FAM131B: variants seen among roughly 807,000 people sequenced by gnomAD.
The protein encoded by FAM131B is protein FAM131B.
A neutral mutation model predicts 42.0 loss-of-function variants in FAM131B; 19 were observed. The ratio of observed to expected loss-of-function variants is 0.45; its 90% CI spans 0.32 to 0.66. The LOEUF is 0.66. FAM131B is among the 30% of genes least tolerant of loss of function. The pLI is 0.05. For synonymous variants in FAM131B, 183 were observed against 177.6 expected, an observed-to-expected ratio of 1.03 and a Z score of -0.24; for missense variants, 370 against 468.4, an observed-to-expected ratio of 0.79 and a Z score of 1.94.
In FAM131B at chr7:143,358,613, C is replaced by T. The variant is rs964880028; in HGVS notation, c.466+214G>A. Reference sequence around the variant, plus strand: ...TCTGGGATGGGTGGACCCACAAATCCCATCTAATTACACGCATTTTCTGAG... The same window carrying T: ...TCTGGGATGGGTGGACCCACAAATCTCATCTAATTACACGCATTTTCTGAG... On this transcript the variant is annotated intron_variant, in intron 5 of 6. Transcript: ENST00000443739. This position sits in a 1 kb window ranked among gnomAD's most constrained non-coding sequence, Gnocchi z 4.7. Among the ~76,000 whole-genome samples, 1 of 152,148 alleles carries T rather than the reference C, an allele frequency of 6.6e-6. No individual in the cohort carries two copies. Among genetic ancestry groups the T allele is most frequent in the African/African-American group, 2.4e-5 (1 of 41,430 alleles).
At chr7:143,363,099 G>C (rs923345211), upstream of FAM131B, among the ~76,000 whole-genome samples, 1 of 152,132 alleles carries the variant, frequency 6.6e-6, no homozygotes, top group Non-Finnish European at 1.5e-5. Context: ...GTGGGGTGGT[G>C]GTGAGAATAA....
the FAM131B span, among the ~76,000 whole-genome samples, chr7:143,371,139 T>A: frequency 6.6e-6 from 1 of 152,156 alleles, no homozygotes; most frequent in South Asian, 2.1e-4. Context: ...ACCTACTCTA[T>A]GTCAGTACCT....
chr7:143,358,682 C>G lies in FAM131B; in HGVS notation c.466+145G>C. 1 of 637,772 alleles carries G rather than the reference C, an allele frequency of 1.6e-6. No homozygotes were observed. Among genetic ancestry groups the G allele is most frequent in the East Asian group, 2.7e-5 (1 of 36,380 alleles). The allele number at this position is 637,772 out of a possible 1,614,324, so 39.5% of individuals were successfully genotyped here. A position where few individuals can be genotyped will look rare whatever the true frequency, so the allele number is the denominator to read the frequency against. On this transcript the variant is annotated intron_variant, in intron 5 of 6. Transcript: ENST00000443739. This position sits in a 1 kb window ranked among gnomAD's most constrained non-coding sequence, Gnocchi z 4.7. ...TTGAGGGCACTTATTTGAATTACCA[C>G]ATCAAAATACTTAGAGCTGTTTGGG...
chr7:143,381,684 C>T, the FAM131B span: 2 of 1,609,504 alleles, frequency 1.2e-6, no homozygotes, highest in Non-Finnish European at 1.7e-6. Context: ...AAAGTGAATC[C>T]CTTCCGGCCC....
At chr7:143,381,277 C>T in the FAM131B span, 1 of 1,067,720 alleles carries the variant, frequency 9.4e-7, no homozygotes. Context: ...CCCGCCCCCT[C>T]TCTTCTCCCT....
At chr7:143,373,700 T>G in the FAM131B span, among the ~76,000 whole-genome samples, 1 of 152,058 alleles carries the variant, frequency 6.6e-6, no homozygotes, top group Non-Finnish European at 1.5e-5. Context: ...CCTGGACTGG[T>G]TTTCAGGAGT....
chr7:143,362,704 G>T lies in FAM131B; in HGVS notation c.-101C>A, dbSNP rs1804061475. On this transcript the variant is annotated 5_prime_UTR_variant, in exon 1 of 7. Transcript: ENST00000443739. The surrounding 1 kb of genome is among the most constrained non-coding windows in gnomAD (Gnocchi z 7.7). ...CGCCCCAGCCGCTCTGCAGCGCCGC[G>T]GCTGTCTCCGCTCGGCTCCGCTCCC... The T allele has an allele frequency of 3.8e-6, 2 of 526,316 alleles. No individual in the cohort carries two copies. The highest frequency in any genetic ancestry group is 2.7e-6 in the Non-Finnish European group (1 of 369,098). The allele number at this position is 526,316 out of a possible 1,614,324, so 32.6% of individuals were successfully genotyped here. A position where few individuals can be genotyped will look rare whatever the true frequency, so the allele number is the denominator to read the frequency against.
At chr7:143,361,192 T>C (rs1019899859) in intron 1 of FAM131B, 4 of 152,230 alleles carry the variant, frequency 2.6e-5, no homozygotes, top group Non-Finnish European at 5.9e-5. Flanking sequence ...GGAAGGGGCT[T>C]GTGGTGAACC....
At chr7:143,378,008 G>A in the FAM131B span, among the ~76,000 whole-genome samples, 2 of 152,236 alleles carry the variant, frequency 1.3e-5, no homozygotes, top group Non-Finnish European at 2.9e-5. Flanking sequence ...GAGCCACTGT[G>A]CCTGGCCAGG....
intron 6 of FAM131B, 52 bp from the exon 7 acceptor site, chr7:143,357,074 A>G (rs1398949281): frequency 1.4e-6 from 2 of 1,381,112 alleles, no homozygotes; most frequent in Admixed American, 1.7e-5. Flanking sequence ...CAAGGGCAGG[A>G]ATGACAGCAC....
Position 143,362,473 on chromosome 7 carries a change from G to A in FAM131B, c.28+103C>T, listed in dbSNP as rs1410242435. 4 of 432,844 alleles carry A rather than the reference G, an allele frequency of 9.2e-6. No homozygotes were observed. The Admixed American group carries it at 1.4e-4, about 15-fold the overall frequency. 26.8% of individuals were successfully genotyped at this position (432,844 alleles called of 1,614,324 possible). ...TGAAGGAGCTAGCAGGGCAAGGCGGGTGCGGAGCGGGGCGCCCGGAGGCGC... is the reference window on the plus strand; with the variant it reads ...TGAAGGAGCTAGCAGGGCAAGGCGGATGCGGAGCGGGGCGCCCGGAGGCGC... On this transcript the variant is annotated intron_variant, in intron 1 of 6. Coordinates refer to ENST00000443739, the MANE Select transcript of FAM131B (RefSeq NM_001031690.3). The surrounding 1 kb of genome is among the most constrained non-coding windows in gnomAD (Gnocchi z 7.7).
the FAM131B span, among the ~76,000 whole-genome samples, chr7:143,377,951 G>T: frequency 2.0e-5 from 3 of 152,066 alleles, no homozygotes; most frequent in African/African-American, 7.2e-5. Context: ...CCTGACCTCA[G>T]GTGATCCACC....
Position 143,358,701 on chromosome 7 carries a change from G to C in FAM131B, c.466+126C>G. ...TTACCACATCAAAATACTTAGAGCT[G>C]TTTGGGAAATGTGAATCTACGGTCA... is the stretch of plus-strand genomic sequence containing the variant. On this transcript the variant is annotated intron_variant, in intron 5 of 6. Coordinates refer to ENST00000443739, the MANE Select transcript of FAM131B (RefSeq NM_001031690.3). The surrounding 1 kb of genome is among the most constrained non-coding windows in gnomAD (Gnocchi z 4.7). The C allele has an allele frequency of 2.8e-6, 2 of 706,170 alleles. No individual in the cohort carries two copies. The highest frequency in any genetic ancestry group is 3.5e-5 in the South Asian group (2 of 57,810). 43.7% of individuals were successfully genotyped at this position (706,170 alleles called of 1,614,324 possible).
At chr7:143,379,997 C>T in the FAM131B span, 2 of 926,906 alleles carry the variant, frequency 2.2e-6, no homozygotes, top group Non-Finnish European at 2.6e-6. Context: ...GGTTAGTCCT[C>T]GGATGATCTC....
At chr7:143,366,858 T>G (rs1804192862), upstream of FAM131B, among the ~76,000 whole-genome samples, 1 of 152,126 alleles carries the variant, frequency 6.6e-6, no homozygotes, top group South Asian at 2.1e-4. Context: ...GCACCTAGCC[T>G]GAGGTCTGTT....
Position 143,362,691 on chromosome 7 carries a change from T to G in FAM131B, c.-88A>C. On this transcript the variant is annotated 5_prime_UTR_variant, in exon 1 of 7. Transcript: ENST00000443739. This position sits in a 1 kb window ranked among gnomAD's most constrained non-coding sequence, Gnocchi z 7.7. Reference sequence around the variant, plus strand: ...GGAGCCGCGCCGCCGCCCCAGCCGCTCTGCAGCGCCGCGGCTGTCTCCGCT... The same window carrying G: ...GGAGCCGCGCCGCCGCCCCAGCCGCGCTGCAGCGCCGCGGCTGTCTCCGCT... 3.1e-6 allele frequency: 2 copies of G among 642,120 alleles called. No individual in the cohort carries two copies. Among genetic ancestry groups the G allele is most frequent in the Non-Finnish European group, 4.2e-6 (2 of 471,334 alleles). The allele number at this position is 642,120 out of a possible 1,614,324, so 39.8% of individuals were successfully genotyped here.
chr7:143,381,095 G>A, the FAM131B span: 94 of 625,662 alleles, frequency 1.5e-4, 1 homozygote, highest in Non-Finnish European at 1.8e-4. Context: ...CCGGGCTGGG[G>A]CGGCGGGGGC....
the FAM131B span, among the ~76,000 whole-genome samples, chr7:143,368,782 G>A: frequency 6.6e-6 from 1 of 152,164 alleles, no homozygotes; most frequent in South Asian, 2.1e-4. Context: ...GCTAGCTTTT[G>A]GGATATCCTG....
the FAM131B span, among the ~76,000 whole-genome samples, chr7:143,373,998 C>T: frequency 2.6e-5 from 4 of 152,142 alleles, no homozygotes; most frequent in African/African-American, 9.7e-5. Flanking sequence ...GCATACCTCC[C>T]TCTTCCACCT....
Sources: gnomAD v4.1 joint callset for allele counts (sites outside exome capture counted in the v4.1 genomes callset) on GRCh38, gnomAD v4.1.1 for gene constraint, Gnocchi (gnomAD v3.1) non-coding constraint, MANE v1.5 for transcripts, NCBI Gene and HGNC (gene_info 2026-07-23, HGNC 2026-07-21) for gene names.